The following FTO variants were observed in gnomAD, a reference collection of about 807,000 sequenced individuals.
The protein encoded by FTO is alpha-ketoglutarate-dependent dioxygenase FTO.
A neutral mutation model predicts 63.9 loss-of-function variants in FTO; 47 were observed. That is an observed-to-expected ratio of 0.74 (90% CI 0.58 to 0.94). The LOEUF (loss-of-function observed/expected upper bound fraction) is 0.94, where lower values mean the gene tolerates loss of function less well. Among genes scored for constraint, FTO ranks in the 40% least tolerant of loss-of-function variants. The probability of loss-of-function intolerance (pLI) is 0.00; values close to 1 mark genes in which losing one functional copy is unlikely to be tolerated. For synonymous variants in FTO, 207 were observed against 224.4 expected, an observed-to-expected ratio of 0.92 and a Z score of 0.69; for missense variants, 562 against 618.1, an observed-to-expected ratio of 0.91 and a Z score of 0.96.
At chr16:54,021,399 C>T (rs1266602088) in intron 8 of FTO, among the ~76,000 whole-genome samples, 1 of 148,290 alleles carries the variant, frequency 6.7e-6, no homozygotes, top group Non-Finnish European at 1.5e-5. Flanking sequence ...GGTGTATAGC[C>T]TACATGGCTA....
intron 1 of FTO, among the ~76,000 whole-genome samples, chr16:53,750,145 A>T (rs1423306094): frequency 6.6e-6 from 1 of 152,210 alleles, no homozygotes; most frequent in Non-Finnish European, 1.5e-5. Flanking sequence ...TTAATTGGTA[A>T]GATTATGAAC....
At chr16:54,052,722 C>CT (rs11295875) in intron 8 of FTO, 41 of 148,652 alleles carry the variant, frequency 2.8e-4, no homozygotes, top group East Asian at 5.9e-4. Context: ...GAGAACTTGA[C>CT]TTTTTTTTTT....
intron 5 of FTO, 49 bp downstream of exon 5, chr16:53,873,914 G>A: frequency 2.2e-6 from 3 of 1,362,584 alleles, no homozygotes; most frequent in Non-Finnish European, 3.1e-6. Context: ...TGTGACAGAA[G>A]TGGTTGAATG....
At chr16:53,751,448 A>G (rs1425872403) in intron 1 of FTO, among the ~76,000 whole-genome samples, 1 of 151,812 alleles carries the variant, frequency 6.6e-6, no homozygotes, top group Non-Finnish European at 1.5e-5. Context: ...ACAGAGCGAG[A>G]CTCCATCTCA....
At chr16:53,713,795 A>C (rs2075831483) in intron 1 of FTO, among the ~76,000 whole-genome samples, 1 of 152,194 alleles carries the variant, frequency 6.6e-6, no homozygotes. Context: ...AGTATTGTAA[A>C]CTGTAGGTAC....
intron 7 of FTO, among the ~76,000 whole-genome samples, chr16:53,930,572 A>G (rs1364086878): frequency 2.0e-5 from 3 of 152,130 alleles, no homozygotes; most frequent in African/African-American, 7.2e-5. Context: ...GTGAACTTAT[A>G]GTTTTAAAAA....
intron 7 of FTO, among the ~76,000 whole-genome samples, chr16:53,906,819 T>C (rs1468102137): frequency 6.6e-6 from 1 of 152,084 alleles, no homozygotes; most frequent in Non-Finnish European, 1.5e-5. Context: ...GTTCCCTAAC[T>C]GAAGAAGCAG....
intron 8 of FTO, among the ~76,000 whole-genome samples, chr16:53,977,980 C>G (rs906001782): frequency 3.3e-5 from 5 of 152,036 alleles, no homozygotes; most frequent in African/African-American, 1.2e-4. Flanking sequence ...TACCTGTCTC[C>G]CAGGTAGCAA....
chr16:54,058,991 T>A (rs2085507663), intron 8 of FTO, among the ~76,000 whole-genome samples: 2 of 152,214 alleles, frequency 1.3e-5, no homozygotes, highest in African/African-American at 4.8e-5. Flanking sequence ...GCTTATGGAA[T>A]GAACCAAAGT....
chr16:53,778,375 T>G (rs1320184331), intron 1 of FTO, among the ~76,000 whole-genome samples: 1 of 152,218 alleles, frequency 6.6e-6, no homozygotes, highest in Non-Finnish European at 1.5e-5. Flanking sequence ...AAATATGTAT[T>G]ACTTGTCAAT....
chr16:53,953,352 G>A (rs960892119), intron 8 of FTO, among the ~76,000 whole-genome samples: 3 of 152,144 alleles, frequency 2.0e-5, no homozygotes, highest in Non-Finnish European at 4.4e-5. Flanking sequence ...TTTCTGGCAG[G>A]CTGAGATGAA....
chr16:53,801,813 G>A (rs899369661), intron 1 of FTO, among the ~76,000 whole-genome samples: 13 of 151,760 alleles, frequency 8.6e-5, no homozygotes, highest in Admixed American at 7.2e-4. Flanking sequence ...AGGCTGGAGT[G>A]CAGTGGTGTG....
At chr16:53,914,709 A>G (rs1428751719) in intron 7 of FTO, among the ~76,000 whole-genome samples, 3 of 152,182 alleles carry the variant, frequency 2.0e-5, no homozygotes. Flanking sequence ...GGACTCACTA[A>G]AATATCTTAA....
chr16:53,839,775 TTTTATTTATTTATTTA>T (rs1205942882), intron 3 of FTO, among the ~76,000 whole-genome samples: 7 of 36,952 alleles, frequency 1.9e-4, no homozygotes, highest in Non-Finnish European at 1.9e-4. Flanking sequence ...TTTTCTTTTT[TTTTATTTATTTATTTA>T]TTTATTTATT....
intron 5 of FTO, 131 bp from the exon 6 acceptor site, chr16:53,879,713 A>T (rs2080769605): frequency 3.7e-4 from 236 of 645,664 alleles, no homozygotes; most frequent in Non-Finnish European, 5.1e-4. Context: ...AAAAAAAAAA[A>T]GGAGTATAGA....
At chr16:53,949,224 TG>T (rs2082716555) in intron 8 of FTO, among the ~76,000 whole-genome samples, 1 of 152,192 alleles carries the variant, frequency 6.6e-6, no homozygotes, top group African/African-American at 2.4e-5. Flanking sequence ...ATCTCCTCCA[TG>T]GGGGAACCCA....
intron 6 of FTO, among the ~76,000 whole-genome samples, chr16:53,880,937 T>TAAAAAAAAAAAAAA (rs34062544): frequency 1.5e-5 from 1 of 67,682 alleles, no homozygotes; most frequent in Non-Finnish European, 2.7e-5. Context: ...CCGTCTCTAC[T>TAAAAAAAAAAAAAA]AAAAAAAAAA....
At chr16:54,056,201 A>G (rs1463031276) in intron 8 of FTO, among the ~76,000 whole-genome samples, 1 of 152,200 alleles carries the variant, frequency 6.6e-6, no homozygotes. Flanking sequence ...CCGTGCTCTC[A>G]CATTCATTCC....
At chr16:53,827,952 CT>C (rs1453443726) in intron 3 of FTO, among the ~76,000 whole-genome samples, 3 of 152,196 alleles carry the variant, frequency 2.0e-5, no homozygotes, top group Admixed American at 2.0e-4. Flanking sequence ...ACAAAGATGT[CT>C]TTGTGCTCCC....
Sources: gnomAD v4.1 joint callset for allele counts (sites outside exome capture counted in the v4.1 genomes callset) on GRCh38, gnomAD v4.1.1 for gene constraint, MANE v1.5 for transcripts, NCBI Gene and HGNC (gene_info 2026-07-23, HGNC 2026-07-21) for gene names.